MDGA2: variants seen among roughly 807,000 people sequenced by gnomAD.
The protein encoded by MDGA2 is MAM domain-containing glycosylphosphatidylinositol anchor protein 2.
In MDGA2, 40 loss-of-function variants were observed where a neutral mutation model predicts 117.8. The ratio of observed to expected loss-of-function variants is 0.34; its 90% CI spans 0.26 to 0.44. The LOEUF is 0.44. MDGA2 is among the 20% of genes least tolerant of loss of function. The pLI, the probability that MDGA2 is intolerant of heterozygous loss-of-function variation, is 1.00. For synonymous variants in MDGA2, 452 were observed against 439.0 expected (o/e 1.03, Z -0.37); for missense variants, 1,123 against 1,250.6 (o/e 0.90, Z 1.54).
intron 1 of MDGA2, among the ~76,000 whole-genome samples, chr14:47,442,654 G>T (rs908821163): frequency 6.6e-6 from 1 of 152,088 alleles, no homozygotes; most frequent in Non-Finnish European, 1.5e-5. Flanking sequence ...ACAGCAAACG[G>T]AATGTAGGCA....
rs773908228 is a variant in MDGA2 at position 46,845,801 on chromosome 14, T to G, written c.2954A>C (p.Glu985Ala). 10 of 1,613,326 alleles carry G rather than the reference T, an allele frequency of 6.2e-6. No individual in the cohort carries two copies. The highest frequency in any genetic ancestry group is 8.5e-6 in the Non-Finnish European group (10 of 1,179,504). The change falls in exon 16 of 17, where the codon GAA becomes GCA. Residue 985 changes from glutamate (E) to alanine (A), a missense_variant. This residue lies in a region of MDGA2 where 890 missense variants were observed against 1,050.3 expected (regional missense o/e 0.85). Coordinates refer to ENST00000399232, the MANE Select transcript of MDGA2 (RefSeq NM_001113498.3). ...TAGGTCTTGTTTTGCACATTCTCCT[T>G]CTGCAATTGATACATCATCAATAGC... is the stretch of plus-strand genomic sequence containing the variant. ...DIAIDDVSIA[E>A]GECAKQDLAT...
chr14:47,516,213 TTAAATTTTAC>T (rs1239090361), intron 1 of MDGA2, among the ~76,000 whole-genome samples: 1 of 152,178 alleles, frequency 6.6e-6, no homozygotes, highest in Non-Finnish European at 1.5e-5. Flanking sequence ...TTCCTGTGCA[TTAAATTTTAC>T]CAAGTAAAAC....
chr14:47,298,176 T>G (rs1416287383), intron 2 of MDGA2, among the ~76,000 whole-genome samples: 1 of 152,166 alleles, frequency 6.6e-6, no homozygotes, highest in African/African-American at 2.4e-5. Context: ...TTTTCCAAGG[T>G]CACACTGTTA....
At chr14:47,499,828 T>C (rs1253883710) in intron 1 of MDGA2, among the ~76,000 whole-genome samples, 1 of 152,158 alleles carries the variant, frequency 6.6e-6, no homozygotes, top group Non-Finnish European at 1.5e-5. Flanking sequence ...ATTTTCATTT[T>C]CAATCGGATC....
chr14:47,161,520 CTT>C (rs1461096816), intron 3 of MDGA2, among the ~76,000 whole-genome samples: 14 of 151,642 alleles, frequency 9.2e-5, no homozygotes, highest in African/African-American at 3.4e-4. Flanking sequence ...TATATTTCAA[CTT>C]AATGTAATTA....
At position 47,443,184 on chromosome 14, in the gene MDGA2, T is replaced by C. The variant is rs191382254; in HGVS notation, c.281-141634A>G. 3.9e-3 allele frequency among the ~76,000 whole-genome samples: 588 copies of C among 152,214 alleles called. 7 individuals carry two copies. Among genetic ancestry groups the C allele is most frequent in the African/African-American group, 0.013 (559 of 41,550 alleles). ...GAGAACAAATCTTGAGATCATGAAATTGTAAAGAGGCAAAAAGAAATTCAT... is the reference window on the plus strand; with the variant it reads ...GAGAACAAATCTTGAGATCATGAAACTGTAAAGAGGCAAAAAGAAATTCAT... On this transcript the variant is annotated intron_variant, in intron 1 of 16. Transcript: ENST00000399232.
intron 12 of MDGA2, among the ~76,000 whole-genome samples, chr14:46,876,705 C>CAA (rs35355047): frequency 8.7e-5 from 13 of 150,280 alleles, no homozygotes; most frequent in Middle Eastern, 3.5e-3. Context: ...AAAAACAAAA[C>CAA]AAAAAAAAAC....
intron 8 of MDGA2, among the ~76,000 whole-genome samples, chr14:47,020,151 T>A (rs917318096): frequency 1.1e-4 from 5 of 46,414 alleles, no homozygotes; most frequent in African/African-American, 1.9e-4. Context: ...ATCTTCAATC[T>A]TTTTCCAACT....
chr14:46,902,976 C>T (rs1448174662), intron 10 of MDGA2, among the ~76,000 whole-genome samples: 1 of 138,660 alleles, frequency 7.2e-6, no homozygotes, highest in South Asian at 2.4e-4. Flanking sequence ...AATCTCCCAC[C>T]GGCCTACACA....
At chr14:47,019,239 G>T (rs1337771999) in intron 8 of MDGA2, among the ~76,000 whole-genome samples, 1 of 152,092 alleles carries the variant, frequency 6.6e-6, no homozygotes, top group Admixed American at 6.5e-5. Context: ...AAACAATGCC[G>T]ATGTCTTGAG....
At chr14:46,842,063 T>C (rs372650291) in intron 16 of MDGA2, 44 bp from the exon 17 acceptor site, 2 of 1,375,136 alleles carry the variant, frequency 1.5e-6, no homozygotes, top group Non-Finnish European at 2.1e-6. Context: ...AGAAGAATAA[T>C]AAGCATTCCA....
At chr14:47,160,030 C>T (rs367647430) in intron 3 of MDGA2, among the ~76,000 whole-genome samples, 57 of 152,176 alleles carry the variant, frequency 3.7e-4, no homozygotes, top group African/African-American at 1.0e-3. Flanking sequence ...CATCCAGAAC[C>T]GAATTTTGAA....
intron 1 of MDGA2, among the ~76,000 whole-genome samples, chr14:47,527,446 A>C (rs1303262932): frequency 2.0e-5 from 3 of 152,308 alleles, no homozygotes; most frequent in Non-Finnish European, 2.9e-5. Flanking sequence ...AGAAAGGAAA[A>C]GACAGTTATT....
chr14:47,050,595 T>C (rs867690643), intron 7 of MDGA2, among the ~76,000 whole-genome samples: 1 of 152,002 alleles, frequency 6.6e-6, no homozygotes, highest in Non-Finnish European at 1.5e-5. Context: ...AATTTTATTG[T>C]ATATACTAGT....
rs1170287998 is a variant in MDGA2 at position 47,101,134 on chromosome 14, T to TAGATAGAA, written c.926-4012_926-4011insTTCTATCT. Among the ~76,000 whole-genome samples, 112 of 134,918 alleles carry TAGATAGAA rather than the reference T, an allele frequency of 8.3e-4. 1 individual carries two copies. Among genetic ancestry groups the TAGATAGAA allele is most frequent in the African/African-American group, 1.5e-3 (56 of 38,130 alleles). The allele number at this position is 134,918 out of a possible 152,430, so 88.5% of individuals were successfully genotyped here. A position where few individuals can be genotyped will look rare whatever the true frequency, so the allele number is the denominator to read the frequency against. ...ATAGATAGATAGATAGACAGATAGATAGAAAGAAATTGGTCCTGGAGAGGC... is the reference window on the plus strand; with the variant it reads ...ATAGATAGATAGATAGACAGATAGATAGATAGAAAGAAAGAAATTGGTCCTGGAGAGGC... On this transcript the variant is annotated intron_variant, in intron 5 of 16. Transcript: ENST00000399232.
intron 3 of MDGA2, among the ~76,000 whole-genome samples, chr14:47,171,672 T>C (rs888434464): frequency 3.3e-5 from 5 of 152,198 alleles, no homozygotes; most frequent in Non-Finnish European, 7.4e-5. Context: ...GCAGCCAAGA[T>C]GGCCGAATAG....
chr14:47,557,536 T>A (rs1432789239), intron 1 of MDGA2, among the ~76,000 whole-genome samples: 2 of 152,126 alleles, frequency 1.3e-5, no homozygotes, highest in African/African-American at 2.4e-5. Context: ...AGTGAGAGAT[T>A]TCCAACATCT....
chr14:47,046,142 T>G (rs1427347584), intron 7 of MDGA2, among the ~76,000 whole-genome samples: 1 of 148,596 alleles, frequency 6.7e-6, no homozygotes, highest in South Asian at 2.2e-4. Context: ...ACCCTAAAAC[T>G]TAAAGTATGA....
intron 10 of MDGA2, among the ~76,000 whole-genome samples, chr14:46,905,283 T>C (rs1445606345): frequency 1.3e-5 from 2 of 152,188 alleles, no homozygotes; most frequent in Non-Finnish European, 2.9e-5. Context: ...GAAAAGGCTA[T>C]TTTTAAGCAG....
Sources: allele counts gnomAD v4.1 joint callset (sites outside exome capture counted in the v4.1 genomes callset), GRCh38; gene constraint gnomAD v4.1.1; regional missense constraint gnomAD v4.1.1; transcripts MANE v1.5; gene names NCBI Gene and HGNC (gene_info 2026-07-23, HGNC 2026-07-21).